Variants in NRG3 observed in about 807,000 individuals in gnomAD.
The protein encoded by NRG3 is neuregulin 3.
NRG3 carries 31 observed loss-of-function variants against 66.9 expected under a neutral mutation model. The observed-to-expected ratio is 0.46, with a 90% CI of 0.35 to 0.63. The LOEUF (loss-of-function observed/expected upper bound fraction) is 0.63. Among genes scored for constraint, NRG3 ranks in the 20% least tolerant of loss-of-function variants. The pLI, the probability that NRG3 is intolerant of heterozygous loss-of-function variation, is 0.00. For synonymous variants in NRG3, 393 were observed against 359.4 expected (o/e 1.09, Z -1.06); for missense variants, 910 against 878.9 (o/e 1.04, Z -0.45).
chr10:82,373,587 A>T (rs1440239232), intron 2 of NRG3, among the ~76,000 whole-genome samples: 2 of 152,234 alleles, frequency 1.3e-5, no homozygotes, highest in African/African-American at 4.8e-5. Flanking sequence ...GAGGAAAAAC[A>T]TTCTGCAGCA....
intron 1 of NRG3, among the ~76,000 whole-genome samples, chr10:82,282,938 G>A (rs139574187): frequency 1.3e-4 from 20 of 152,200 alleles, no homozygotes; most frequent in African/African-American, 4.6e-4. Context: ...TCCTGGCCCC[G>A]GTGTTTACTA....
At chr10:82,535,726 T>C (rs2132692467) in intron 2 of NRG3, among the ~76,000 whole-genome samples, 1 of 152,314 alleles carries the variant, frequency 6.6e-6, no homozygotes, top group African/African-American at 2.4e-5. Context: ...TAAAAATGCT[T>C]AAATGTCTTA....
At chr10:82,469,368 A>G (rs1173328486) in intron 2 of NRG3, among the ~76,000 whole-genome samples, 2 of 152,198 alleles carry the variant, frequency 1.3e-5, no homozygotes, top group African/African-American at 2.4e-5. Flanking sequence ...AGAAACCCAG[A>G]TCTGTAGAAA....
At chr10:82,048,998 A>G (rs1218516615) in intron 1 of NRG3, among the ~76,000 whole-genome samples, 1 of 152,204 alleles carries the variant, frequency 6.6e-6, no homozygotes, top group Non-Finnish European at 1.5e-5. Context: ...GAAAATCTAG[A>G]AGAAATGGAT....
At chr10:82,142,994 C>A (rs555405601) in intron 1 of NRG3, among the ~76,000 whole-genome samples, 1 of 149,564 alleles carries the variant, frequency 6.7e-6, no homozygotes, top group Non-Finnish European at 1.5e-5. Context: ...ATCTGGAACT[C>A]CTGGGCTCAA....
intron 2 of NRG3, among the ~76,000 whole-genome samples, chr10:82,720,153 G>T (rs2057210364): frequency 6.6e-6 from 1 of 152,158 alleles, no homozygotes; most frequent in Non-Finnish European, 1.5e-5. Flanking sequence ...ACTTCGGGAG[G>T]CCGAGGTGGG....
chr10:82,612,499 G>A (rs1402644280), intron 2 of NRG3, among the ~76,000 whole-genome samples: 2 of 152,112 alleles, frequency 1.3e-5, no homozygotes, highest in African/African-American at 4.8e-5. Context: ...TAGGAATATA[G>A]GAATGCTTTT....
At chr10:81,878,388 A>C (rs191036344) in intron 1 of NRG3, among the ~76,000 whole-genome samples, 1 of 152,216 alleles carries the variant, frequency 6.6e-6, no homozygotes, top group African/African-American at 2.4e-5. Flanking sequence ...AAACAAGGGA[A>C]ATTTTAAGGA....
At chr10:82,234,594 T>C (rs546464501) in intron 1 of NRG3, among the ~76,000 whole-genome samples, 1 of 152,348 alleles carries the variant, frequency 6.6e-6, no homozygotes, top group Admixed American at 6.5e-5. Flanking sequence ...AATTGTTGAA[T>C]GAATGATTTA....
At chr10:81,883,643 T>C (rs1176397512) in intron 1 of NRG3, among the ~76,000 whole-genome samples, 7 of 152,168 alleles carry the variant, frequency 4.6e-5, no homozygotes, top group Non-Finnish European at 1.0e-4. Context: ...CAGCCAGGGT[T>C]ATGGGAATAG....
chr10:82,827,371 CTT>C (rs2062282130), intron 3 of NRG3, among the ~76,000 whole-genome samples: 1 of 152,166 alleles, frequency 6.6e-6, no homozygotes, highest in Admixed American at 6.5e-5. Context: ...AGAAGCAAGT[CTT>C]TCTCTTGCTG....
intron 1 of NRG3, among the ~76,000 whole-genome samples, chr10:81,924,962 T>G (rs149418870): frequency 6.9e-4 from 104 of 151,720 alleles, no homozygotes; most frequent in African/African-American, 2.4e-3. Flanking sequence ...AGAAGGGGAA[T>G]AATTAAATAT....
intron 4 of NRG3, among the ~76,000 whole-genome samples, chr10:82,868,241 G>GCT (rs1840957337): frequency 6.6e-6 from 1 of 152,156 alleles, no homozygotes; most frequent in Non-Finnish European, 1.5e-5. Flanking sequence ...GTTATAATTT[G>GCT]CTATAGATGC....
chr10:82,577,467 G>A (rs2046095627), intron 2 of NRG3, among the ~76,000 whole-genome samples: 1 of 151,740 alleles, frequency 6.6e-6, no homozygotes, highest in Admixed American at 6.6e-5. Flanking sequence ...TATATATCTA[G>A]CAGGAGAATT....
intron 4 of NRG3, among the ~76,000 whole-genome samples, chr10:82,930,675 G>T (rs1180912241): frequency 6.6e-6 from 1 of 152,134 alleles, no homozygotes; most frequent in African/African-American, 2.4e-5. Flanking sequence ...TTAGGGTATA[G>T]GAACAAAACA....
At chr10:82,440,314 A>G (rs182766799) in intron 2 of NRG3, among the ~76,000 whole-genome samples, 2 of 146,356 alleles carry the variant, frequency 1.4e-5, no homozygotes, top group African/African-American at 5.0e-5. Flanking sequence ...GTACATTTTT[A>G]CTTCTCTCAT....
intron 3 of NRG3, among the ~76,000 whole-genome samples, chr10:82,747,977 TA>T (rs2058711564): frequency 6.6e-6 from 1 of 151,556 alleles, no homozygotes; most frequent in Non-Finnish European, 1.5e-5. Context: ...GTAATATGTT[TA>T]AAAACACATT....
chr10:82,652,002 G>T (rs892131919), intron 2 of NRG3, among the ~76,000 whole-genome samples: 2 of 152,208 alleles, frequency 1.3e-5, no homozygotes, highest in African/African-American at 4.8e-5. Flanking sequence ...AAGTGAGTGA[G>T]GCAGGAACTG....
At chr10:82,965,028 G>C (rs2060368501) in intron 6 of NRG3, among the ~76,000 whole-genome samples, 1 of 152,200 alleles carries the variant, frequency 6.6e-6, no homozygotes, top group African/African-American at 2.4e-5. Context: ...ATTTGCATTA[G>C]CCGGCACTTT....
Sources: allele counts gnomAD v4.1 joint callset (sites outside exome capture counted in the v4.1 genomes callset), GRCh38; gene constraint gnomAD v4.1.1; transcripts MANE v1.5; gene names NCBI Gene and HGNC (gene_info 2026-07-23, HGNC 2026-07-21).